DNA2: variants seen among roughly 807,000 people sequenced by gnomAD.
DNA2 encodes DNA replication ATP-dependent helicase/nuclease DNA2.
Under a neutral mutation model 119.1 loss-of-function variants are expected in DNA2, and 101 were observed. The observed-to-expected ratio is 0.85, with a 90% CI of 0.72 to 1.00. DNA2 has a LOEUF of 1.00. DNA2 is among the 50% of genes least tolerant of loss of function. The pLI, the probability that DNA2 is intolerant of heterozygous loss-of-function variation, is 0.00. For missense variants in DNA2, 1,121 were observed against 1,255.5 expected, an observed-to-expected ratio of 0.89 and a Z score of 1.62; for synonymous variants, 366 against 424.4, an observed-to-expected ratio of 0.86 and a Z score of 1.69.
chr10:68,454,061 A>C lies in DNA2; in HGVS notation c.720-3814T>G, dbSNP rs117305371. Among the ~76,000 whole-genome samples the C allele has an allele frequency of 1.1e-4, 17 of 152,194 alleles. No individual in the cohort carries two copies. In the East Asian group the frequency reaches 3.3e-3, roughly 29 times the overall value. ...GCAAATCCCTTGCTGACCTATCCTAAGCCTTCTTCAACAGATTCTATTATC... is the reference window on the plus strand; with the variant it reads ...GCAAATCCCTTGCTGACCTATCCTACGCCTTCTTCAACAGATTCTATTATC... On this transcript the variant is annotated intron_variant, in intron 5 of 20. Coordinates refer to ENST00000358410, the MANE Select transcript of DNA2 (RefSeq NM_001080449.3).
intron 6 of DNA2, among the ~76,000 whole-genome samples, chr10:68,449,795 C>T (rs2052093352): frequency 6.6e-6 from 1 of 151,828 alleles, no homozygotes; most frequent in South Asian, 2.1e-4. Context: ...GGCCTGTAAT[C>T]CCAGCTACTC....
chr10:68,448,512 T>C (rs889463584), intron 6 of DNA2, among the ~76,000 whole-genome samples: 7 of 152,232 alleles, frequency 4.6e-5, no homozygotes, highest in Non-Finnish European at 1.0e-4. Flanking sequence ...AATTAATTTT[T>C]CAATGTCTTG....
chr10:68,458,849 CA>C (rs1287979652), intron 5 of DNA2, among the ~76,000 whole-genome samples: 4 of 145,696 alleles, frequency 2.7e-5, no homozygotes, highest in African/African-American at 2.5e-5. Flanking sequence ...AACTCCATCT[CA>C]AAAAAAAAGA....
intron 9 of DNA2, among the ~76,000 whole-genome samples, chr10:68,442,050 G>A (rs1436987762): frequency 6.6e-6 from 1 of 151,290 alleles, no homozygotes; most frequent in Non-Finnish European, 1.5e-5. Flanking sequence ...CTCATCCTGG[G>A]ACTACAGACA....
At chr10:68,448,974 T>TGC (rs1390762127) in intron 6 of DNA2, among the ~76,000 whole-genome samples, 1 of 142,842 alleles carries the variant, frequency 7.0e-6, no homozygotes, top group African/African-American at 2.7e-5. Flanking sequence ...TGTGCGTGTG[T>TGC]GTGTGTGTGT....
At chr10:68,438,751 G>A (rs1206478561) in intron 9 of DNA2, among the ~76,000 whole-genome samples, 1 of 151,806 alleles carries the variant, frequency 6.6e-6, no homozygotes, top group Non-Finnish European at 1.5e-5. Context: ...TATTCATTCT[G>A]GGCCGGGCGC....
In DNA2 at chr10:68,465,679, T is replaced by C; in HGVS notation, c.575A>G (p.His192Arg). 6.3e-7 allele frequency: 1 copy of C among 1,592,626 alleles called. No homozygotes were observed. Among genetic ancestry groups the C allele is most frequent in the South Asian group, 1.2e-5 (1 of 86,222 alleles). The change falls in exon 4 of 21, where the codon CAT becomes CGT. Residue 192 changes from histidine to arginine, a missense_variant. Coordinates refer to ENST00000358410, the MANE Select transcript of DNA2 (RefSeq NM_001080449.3). ...TATAACTACTTACATTTCCTTCAAA[T>C]GTCTTATTTCTTGAATTGTTTGAAA... ...LAFQTIQEIR[H>R]LKEMYRLNLS...
chr10:68,429,283 G>T (rs187696420), intron 14 of DNA2, among the ~76,000 whole-genome samples: 1 of 150,158 alleles, frequency 6.7e-6, no homozygotes, highest in Non-Finnish European at 1.5e-5. Flanking sequence ...AGTAGTTCAC[G>T]CCTATAATCC....
Position 68,459,329 on chromosome 10 carries a change from A to G in DNA2, c.588-94T>C. The G allele has an allele frequency of 3.8e-6, 5 of 1,313,974 alleles. No individual in the cohort carries two copies. In the South Asian group the frequency reaches 8.8e-5, roughly 23 times the overall value. The allele number at this position is 1,313,974 out of a possible 1,614,324, so 81.4% of individuals were successfully genotyped here. ...TGAAAGTATAAATATGAGAAAAGTA[A>G]ACGAGGACAAAAAAATACATATAAG... On this transcript the variant is annotated intron_variant, in intron 4 of 20. Transcript: ENST00000358410.
chr10:68,419,951 C>A (rs1038242608), intron 17 of DNA2, 59 bp from the exon 18 acceptor site: 16 of 1,398,058 alleles, frequency 1.1e-5, no homozygotes, highest in Non-Finnish European at 1.6e-5. Flanking sequence ...ACTATAAGTA[C>A]GCAACTGGCC....
At chr10:68,453,551 G>A (rs529751285) in intron 5 of DNA2, among the ~76,000 whole-genome samples, 58 of 152,218 alleles carry the variant, frequency 3.8e-4, no homozygotes, top group African/African-American at 1.3e-3. Flanking sequence ...CAATGATTTC[G>A]TCAACCTAGG....
intron 4 of DNA2, among the ~76,000 whole-genome samples, chr10:68,461,063 G>A (rs1266202168): frequency 6.6e-6 from 1 of 152,108 alleles, no homozygotes; most frequent in African/African-American, 2.4e-5. Context: ...ACCAAGCAAT[G>A]GAAAGTAGAA....
At chr10:68,418,973 C>A in intron 19 of DNA2, 61 bp downstream of exon 19, 1 of 1,496,916 alleles carries the variant, frequency 6.7e-7, no homozygotes, top group Non-Finnish European at 9.0e-7. Context: ...GCGCCCGGCC[C>A]ACAATTTTTA....
intron 10 of DNA2, among the ~76,000 whole-genome samples, chr10:68,432,714 C>T (rs1432282635): frequency 6.6e-6 from 1 of 152,086 alleles, no homozygotes; most frequent in Non-Finnish European, 1.5e-5. Flanking sequence ...GTCCAAGGCA[C>T]CAAGGTCAAA....
At chr10:68,458,068 G>C (rs950572359) in intron 5 of DNA2, among the ~76,000 whole-genome samples, 9 of 151,900 alleles carry the variant, frequency 5.9e-5, no homozygotes, top group African/African-American at 1.7e-4. Context: ...AGCTACTCAG[G>C]AGGCTGAGGC....
chr10:68,444,516 G>C (rs555017322), intron 8 of DNA2, among the ~76,000 whole-genome samples: 28 of 152,146 alleles, frequency 1.8e-4, no homozygotes, highest in South Asian at 1.5e-3. Context: ...CCTGAGTTCG[G>C]GAGTTGGAGA....
intron 5 of DNA2, among the ~76,000 whole-genome samples, chr10:68,456,850 A>AT (rs1165162819): frequency 1.3e-5 from 2 of 151,110 alleles, no homozygotes; most frequent in African/African-American, 4.8e-5. Context: ...AAAAAAAAAA[A>AT]GGAGCCGGGC....
chr10:68,424,874 T>C, intron 14 of DNA2: 1 of 756,636 alleles, frequency 1.3e-6, no homozygotes, highest in Non-Finnish European at 2.4e-6. Flanking sequence ...ACAAGGTGGT[T>C]ATCACCAGGC....
upstream of DNA2, chr10:68,472,016 C>T (rs747793017): frequency 3.1e-6 from 5 of 1,608,766 alleles, no homozygotes; most frequent in Admixed American, 8.4e-5. Flanking sequence ...GCCAGGCCGC[C>T]CCTCCCGCGC....
Sources: gnomAD v4.1 joint callset for allele counts (sites outside exome capture counted in the v4.1 genomes callset) on GRCh38, gnomAD v4.1.1 for gene constraint, MANE v1.5 for transcripts, NCBI Gene and HGNC (gene_info 2026-07-23, HGNC 2026-07-21) for gene names.